MARCHF1: variants seen among roughly 807,000 people sequenced by gnomAD.
The protein encoded by MARCHF1 is E3 ubiquitin-protein ligase MARCHF1.
In MARCHF1, 40 loss-of-function variants were observed where a neutral mutation model predicts 54.2. The observed-to-expected ratio is 0.74, with a 90% CI of 0.57 to 0.96. The LOEUF (loss-of-function observed/expected upper bound fraction) is 0.96. Ranked by LOEUF, MARCHF1 falls within the 40% of genes least tolerant of loss-of-function variation. The pLI, the probability that MARCHF1 is intolerant of heterozygous loss-of-function variation, is 0.00. For missense variants in MARCHF1, 586 were observed against 656.5 expected, an observed-to-expected ratio of 0.89 and a Z score of 1.17; for synonymous variants, 236 against 236.3, an observed-to-expected ratio of 1.00 and a Z score of 0.01.
At chr4:163,638,414 C>A (rs901469190) in intron 5 of MARCHF1, among the ~76,000 whole-genome samples, 2 of 151,742 alleles carry the variant, frequency 1.3e-5, no homozygotes, top group African/African-American at 4.8e-5. Context: ...CGGCACCTAC[C>A]CTCCCTCTCT....
intron 1 of MARCHF1, among the ~76,000 whole-genome samples, chr4:164,177,585 T>C (rs185631111): frequency 1.3e-5 from 2 of 152,210 alleles, no homozygotes; most frequent in Non-Finnish European, 2.9e-5. Flanking sequence ...GTAGGTTTTT[T>C]AATGGAGAAT....
chr4:164,358,255 C>G (rs1730619961), intron 1 of MARCHF1, among the ~76,000 whole-genome samples: 1 of 152,084 alleles, frequency 6.6e-6, no homozygotes, highest in South Asian at 2.1e-4. Flanking sequence ...GCCACAGCAT[C>G]CTCTTGGAAT....
intron 1 of MARCHF1, among the ~76,000 whole-genome samples, chr4:164,182,207 C>G (rs1005749054): frequency 1.3e-5 from 2 of 151,992 alleles, no homozygotes; most frequent in Admixed American, 1.3e-4. Flanking sequence ...CTTCTCTAGA[C>G]CACATAGTGT....
At chr4:163,724,958 G>A (rs1745606382) in intron 4 of MARCHF1, among the ~76,000 whole-genome samples, 1 of 152,074 alleles carries the variant, frequency 6.6e-6, no homozygotes, top group African/African-American at 2.4e-5. Flanking sequence ...GCACTTCCCG[G>A]GTGAGGCAAT....
intron 3 of MARCHF1, among the ~76,000 whole-genome samples, chr4:163,884,574 G>A (rs1750488704): frequency 6.6e-6 from 1 of 152,122 alleles, no homozygotes; most frequent in Non-Finnish European, 1.5e-5. Flanking sequence ...CAAGTCCCTA[G>A]TTCAAAGTCT....
chr4:164,335,108 A>G (rs1478009895), intron 1 of MARCHF1, among the ~76,000 whole-genome samples: 1 of 152,210 alleles, frequency 6.6e-6, no homozygotes, highest in Non-Finnish European at 1.5e-5. Flanking sequence ...TGTTGAAATG[A>G]CAGCAAAGTA....
chr4:163,943,270 T>C (rs573249352), intron 3 of MARCHF1, among the ~76,000 whole-genome samples: 1 of 152,342 alleles, frequency 6.6e-6, no homozygotes, highest in South Asian at 2.1e-4. Flanking sequence ...CCAGTTCTTA[T>C]GTCCAGAATA....
At chr4:163,937,815 G>A (rs1751830989) in intron 3 of MARCHF1, among the ~76,000 whole-genome samples, 1 of 151,870 alleles carries the variant, frequency 6.6e-6, no homozygotes, top group African/African-American at 2.4e-5. Context: ...TTCCTTAGGA[G>A]GTAAAAAATT....
intron 3 of MARCHF1, among the ~76,000 whole-genome samples, chr4:163,887,055 C>T (rs970592306): frequency 9.9e-5 from 15 of 152,046 alleles, no homozygotes; most frequent in Admixed American, 2.0e-4. Flanking sequence ...ATTTAATCAA[C>T]ATATATTTAT....
intron 5 of MARCHF1, among the ~76,000 whole-genome samples, chr4:163,634,631 C>G (rs1199801126): frequency 6.6e-6 from 1 of 152,088 alleles, no homozygotes; most frequent in Non-Finnish European, 1.5e-5. Context: ...GACTTAGACT[C>G]CTACACATTA....
chr4:164,303,161 C>T (rs1469845270), intron 1 of MARCHF1, among the ~76,000 whole-genome samples: 1 of 152,098 alleles, frequency 6.6e-6, no homozygotes, highest in Non-Finnish European at 1.5e-5. Flanking sequence ...TAAGTCATGC[C>T]AATATGTGAA....
intron 2 of MARCHF1, among the ~76,000 whole-genome samples, chr4:164,041,479 T>G (rs2111019896): frequency 6.6e-6 from 1 of 152,276 alleles, no homozygotes; most frequent in East Asian, 1.9e-4. Context: ...GATTCCATGG[T>G]AGTGATGTGC....
intron 3 of MARCHF1, among the ~76,000 whole-genome samples, chr4:163,982,050 C>G: frequency 6.6e-6 from 1 of 152,190 alleles, no homozygotes; most frequent in Middle Eastern, 3.2e-3. Context: ...ATGCAATTAT[C>G]CACAACATCT....
chr4:163,562,283 C>T (rs1484975108), intron 8 of MARCHF1, among the ~76,000 whole-genome samples: 1 of 148,632 alleles, frequency 6.7e-6, no homozygotes, highest in Non-Finnish European at 1.5e-5. Context: ...GCGTCAGAGC[C>T]AGACTCTGTC....
chr4:164,284,162 G>A (rs149318207), intron 1 of MARCHF1, among the ~76,000 whole-genome samples: 2 of 151,100 alleles, frequency 1.3e-5, no homozygotes, highest in Non-Finnish European at 2.9e-5. Context: ...TAATGGGTAG[G>A]GAGAAAATAC....
intron 3 of MARCHF1, among the ~76,000 whole-genome samples, chr4:163,959,865 C>T (rs565237333): frequency 4.6e-5 from 7 of 151,858 alleles, no homozygotes; most frequent in African/African-American, 1.7e-4. Context: ...AAACTATTAA[C>T]AGAGTAAACA....
intron 2 of MARCHF1, among the ~76,000 whole-genome samples, chr4:164,007,121 C>T (rs574537681): frequency 1.0e-3 from 149 of 146,332 alleles, no homozygotes; most frequent in African/African-American, 3.5e-3. Context: ...CCGAGGCAGG[C>T]GGATCACGAG....
At chr4:164,015,943 C>G (rs1467106437) in intron 2 of MARCHF1, among the ~76,000 whole-genome samples, 2 of 150,698 alleles carry the variant, frequency 1.3e-5, no homozygotes, top group African/African-American at 4.9e-5. Context: ...TGTGATCCAA[C>G]AATCCCACTG....
At chr4:164,084,461 TA>T (rs1400277008) in intron 2 of MARCHF1, among the ~76,000 whole-genome samples, 1 of 151,920 alleles carries the variant, frequency 6.6e-6, no homozygotes, top group Non-Finnish European at 1.5e-5. Context: ...ATAAGAAAAG[TA>T]AAAGAATTTC....
Sources: gnomAD v4.1 joint callset for allele counts (sites outside exome capture counted in the v4.1 genomes callset) on GRCh38, gnomAD v4.1.1 for gene constraint, MANE v1.5 for transcripts, NCBI Gene and HGNC (gene_info 2026-07-23, HGNC 2026-07-21) for gene names.